Variants in LINC00305 observed in about 807,000 individuals in gnomAD.
LINC00305 encodes long intergenic non-protein coding RNA 305.
intron 1 of LINC00305, among the ~76,000 whole-genome samples, chr18:64,130,369 G>C (rs1388864313): frequency 2.0e-5 from 3 of 152,032 alleles, no homozygotes; most frequent in African/African-American, 7.2e-5. Flanking sequence ...TACAATTTCT[G>C]TGTGTTTTAA....
Position 64,117,658 on chromosome 18 carries a change from T to A in LINC00305, n.315-19018A>T, listed in dbSNP as rs144169922. On this transcript the variant is annotated intron_variant and non_coding_transcript_variant, in intron 1 of 3. Coordinates refer to ENST00000666468, the Ensembl canonical transcript of LINC00305. The stretch of plus-strand genomic sequence containing the variant: ...AAGGCAGTAGAAACAGTTCTCTTTT[T>A]TGAGACACTTAAAACCTTTTACCCC... Among the ~76,000 whole-genome samples, 154 of 152,298 alleles carry A rather than the reference T, an allele frequency of 1.0e-3. 1 individual carries two copies. In the South Asian group the frequency reaches 0.012, roughly 11 times the overall value.
At chr18:64,120,478 C>T (rs545854499) in intron 1 of LINC00305, among the ~76,000 whole-genome samples, 3 of 151,648 alleles carry the variant, frequency 2.0e-5, no homozygotes, top group East Asian at 3.9e-4. Flanking sequence ...AGTTTTATAG[C>T]GTTTAGAGAG....
chr18:64,143,948 A>G (rs1481943494), intron 1 of LINC00305, among the ~76,000 whole-genome samples: 1 of 152,130 alleles, frequency 6.6e-6, no homozygotes, highest in Non-Finnish European at 1.5e-5. Flanking sequence ...ATTTTTACAA[A>G]TACAGGTGAA....
At chr18:64,121,508 T>C (rs2051361924) in intron 1 of LINC00305, among the ~76,000 whole-genome samples, 1 of 152,162 alleles carries the variant, frequency 6.6e-6, no homozygotes, top group Non-Finnish European at 1.5e-5. Flanking sequence ...TCCATTGTGC[T>C]GCAAAAAACA....
intron 1 of LINC00305, among the ~76,000 whole-genome samples, chr18:64,104,612 C>T (rs1175518672): frequency 6.6e-6 from 1 of 152,178 alleles, no homozygotes; most frequent in African/African-American, 2.4e-5. Flanking sequence ...TATTGTACAG[C>T]AGATTTTGTT....
At chr18:64,101,554 G>A (rs928029263) in intron 1 of LINC00305, among the ~76,000 whole-genome samples, 4 of 152,138 alleles carry the variant, frequency 2.6e-5, no homozygotes, top group African/African-American at 9.7e-5. Flanking sequence ...ATGTATGTGT[G>A]TGTGTCCAAG....
chr18:64,100,596 C>A (rs1021349199), intron 1 of LINC00305, among the ~76,000 whole-genome samples: 1 of 152,192 alleles, frequency 6.6e-6, no homozygotes, highest in African/African-American at 2.4e-5. Context: ...CTCATAAAGT[C>A]TTTGAATGAA....
intron 1 of LINC00305, among the ~76,000 whole-genome samples, chr18:64,102,899 G>A (rs543129114): frequency 1.4e-4 from 22 of 152,192 alleles, no homozygotes; most frequent in Admixed American, 1.2e-3. Flanking sequence ...CTCCCATTAG[G>A]CCCCACCTCC....
At chr18:64,091,509 T>C (rs988101856) in intron 3 of LINC00305, among the ~76,000 whole-genome samples, 1 of 152,214 alleles carries the variant, frequency 6.6e-6, no homozygotes, top group Admixed American at 6.5e-5. Context: ...TTCTGTGTGA[T>C]GGCACAGGTC....
chr18:64,107,890 G>A (rs576727473), intron 1 of LINC00305, among the ~76,000 whole-genome samples: 1 of 152,228 alleles, frequency 6.6e-6, no homozygotes, highest in South Asian at 2.1e-4. Context: ...ACATCTCCAC[G>A]AGCAGGGTTC....
chr18:64,133,233 T>C (rs1306889770), intron 1 of LINC00305, among the ~76,000 whole-genome samples: 1 of 152,170 alleles, frequency 6.6e-6, no homozygotes, highest in Non-Finnish European at 1.5e-5. Flanking sequence ...TGCTGGCCAA[T>C]GTAAGGAACA....
intron 1 of LINC00305, among the ~76,000 whole-genome samples, chr18:64,105,357 A>G (rs1039206001): frequency 6.6e-6 from 1 of 152,122 alleles, no homozygotes; most frequent in Non-Finnish European, 1.5e-5. Context: ...GCTACTAGGG[A>G]GGCTGAGGTG....
chr18:64,132,492 C>A (rs536498660), intron 1 of LINC00305, among the ~76,000 whole-genome samples: 3 of 152,220 alleles, frequency 2.0e-5, no homozygotes, highest in East Asian at 3.9e-4. Flanking sequence ...CTTGTATAAA[C>A]CTTAGATAAT....
chr18:64,116,310 T>C (rs1568111651), intron 1 of LINC00305, among the ~76,000 whole-genome samples: 2 of 152,254 alleles, frequency 1.3e-5, no homozygotes, highest in South Asian at 2.1e-4. Flanking sequence ...GAGAATGTCC[T>C]TTCAAATGTT....
intron 1 of LINC00305, among the ~76,000 whole-genome samples, chr18:64,118,944 T>C (rs1362558506): frequency 2.6e-5 from 4 of 151,964 alleles, no homozygotes; most frequent in African/African-American, 9.7e-5. Flanking sequence ...GTTTGATGAT[T>C]GATTTGTTTT....
chr18:64,119,725 C>T (rs1168387149), intron 1 of LINC00305, among the ~76,000 whole-genome samples: 1 of 152,094 alleles, frequency 6.6e-6, no homozygotes, highest in Non-Finnish European at 1.5e-5. Context: ...CTATGGTCTC[C>T]TCTTGCAGTG....
chr18:64,107,515 C>T (rs1047672758), intron 1 of LINC00305, among the ~76,000 whole-genome samples: 4 of 152,272 alleles, frequency 2.6e-5, no homozygotes, highest in Admixed American at 1.3e-4. Context: ...GGGATAGATG[C>T]GCACGGAGGA....
intron 1 of LINC00305, among the ~76,000 whole-genome samples, chr18:64,100,031 A>C (rs2051261951): frequency 6.6e-6 from 1 of 152,226 alleles, no homozygotes; most frequent in South Asian, 2.1e-4. Context: ...TTTATAATGC[A>C]ACCCTACTTC....
chr18:64,143,864 A>T (rs1044947421), intron 1 of LINC00305, among the ~76,000 whole-genome samples: 3 of 152,018 alleles, frequency 2.0e-5, no homozygotes, highest in Admixed American at 2.0e-4. Flanking sequence ...ACATACATAC[A>T]TACATATATG....
Sources: allele counts gnomAD v4.1 joint callset (sites outside exome capture counted in the v4.1 genomes callset), GRCh38; gene constraint gnomAD v4.1.1; transcripts MANE v1.5; gene names NCBI Gene and HGNC (gene_info 2026-07-23, HGNC 2026-07-21).